Variants in NALF1 observed in about 807,000 individuals in gnomAD.
NALF1 encodes the protein family with sequence similarity 155 member A.
A neutral mutation model predicts 48.4 loss-of-function variants in NALF1; 3 were observed. The ratio of observed to expected loss-of-function variants is 0.06; its 90% CI spans 0.03 to 0.16. The LOEUF is 0.16. Ranked by LOEUF, NALF1 falls within the 10% of genes least tolerant of loss-of-function variation. The pLI is 1.00. For synonymous variants in NALF1, 262 were observed against 245.7 expected, an observed-to-expected ratio of 1.07 and a Z score of -0.62; for missense variants, 526 against 571.5, an observed-to-expected ratio of 0.92 and a Z score of 0.81.
chr13:107,763,807 C>T (rs1191029198), intron 1 of NALF1, among the ~76,000 whole-genome samples: 1 of 152,106 alleles, frequency 6.6e-6, no homozygotes, highest in Non-Finnish European at 1.5e-5. Context: ...ACAGGACTAC[C>T]AGGTATACAA....
intron 1 of NALF1, among the ~76,000 whole-genome samples, chr13:107,590,662 T>C (rs1200422506): frequency 6.6e-6 from 1 of 152,054 alleles, no homozygotes; most frequent in Non-Finnish European, 1.5e-5. Context: ...CCTTTCTTTG[T>C]CCATTTATAC....
chr13:107,329,631 C>T (rs1176578369), intron 1 of NALF1, among the ~76,000 whole-genome samples: 1 of 151,268 alleles, frequency 6.6e-6, no homozygotes, highest in Non-Finnish European at 1.5e-5. Context: ...AGGTATATCT[C>T]CTAATGCTAT....
intron 1 of NALF1, among the ~76,000 whole-genome samples, chr13:107,707,795 A>T (rs1196081272): frequency 6.6e-6 from 1 of 152,148 alleles, no homozygotes; most frequent in Non-Finnish European, 1.5e-5. Context: ...AATGCATTTC[A>T]CTTTTCTGCT....
At chr13:107,714,516 C>T (rs372734853) in intron 1 of NALF1, among the ~76,000 whole-genome samples, 7 of 150,680 alleles carry the variant, frequency 4.6e-5, no homozygotes, top group African/African-American at 1.5e-4. Context: ...AAAATATAAA[C>T]GCTAGCCAGG....
At chr13:107,543,879 C>A (rs1163127196) in intron 1 of NALF1, among the ~76,000 whole-genome samples, 1 of 151,826 alleles carries the variant, frequency 6.6e-6, no homozygotes, top group Non-Finnish European at 1.5e-5. Context: ...TTCAGAGGTG[C>A]AGAGAAAACT....
At chr13:107,525,445 A>G (rs1381378154) in intron 1 of NALF1, among the ~76,000 whole-genome samples, 2 of 152,106 alleles carry the variant, frequency 1.3e-5, no homozygotes, top group African/African-American at 4.8e-5. Context: ...GCATGTATCA[A>G]TATTTCATTT....
At chr13:107,483,571 T>C (rs948018632) in intron 1 of NALF1, among the ~76,000 whole-genome samples, 1 of 152,072 alleles carries the variant, frequency 6.6e-6, no homozygotes, top group African/African-American at 2.4e-5. Context: ...GAGGAAGAGA[T>C]CACTAGACAA....
At chr13:107,823,769 C>T (rs1444450227) in intron 1 of NALF1, among the ~76,000 whole-genome samples, 4 of 152,106 alleles carry the variant, frequency 2.6e-5, no homozygotes, top group African/African-American at 9.7e-5. Flanking sequence ...GCCTGACAGC[C>T]TGAGTTTGAG....
intron 1 of NALF1, among the ~76,000 whole-genome samples, chr13:107,823,244 G>T (rs1158827271): frequency 6.6e-6 from 1 of 152,174 alleles, no homozygotes; most frequent in African/African-American, 2.4e-5. Context: ...CTTCAACAGA[G>T]AACTCTAATT....
intron 1 of NALF1, among the ~76,000 whole-genome samples, chr13:107,535,210 A>C (rs1258264269): frequency 1.3e-5 from 2 of 152,044 alleles, no homozygotes; most frequent in Non-Finnish European, 2.9e-5. Flanking sequence ...AGAACTTCCA[A>C]CACTATGTTG....
intron 1 of NALF1, among the ~76,000 whole-genome samples, chr13:107,484,574 C>A (rs1388252218): frequency 6.6e-6 from 1 of 152,082 alleles, no homozygotes; most frequent in African/African-American, 2.4e-5. Context: ...TCTTTGGATT[C>A]CCAGTGCCAT....
chr13:107,719,618 C>T lies in NALF1; in HGVS notation c.915+146064G>A, dbSNP rs113416180. On this transcript the variant is annotated intron_variant, in intron 1 of 2. Coordinates refer to ENST00000375915, the MANE Select transcript of NALF1 (RefSeq NM_001080396.3). ...AAAGCAAACAACTACAATGAAACCA[C>T]GGCTCTTCTCTCACTTCCAACTATT... Among the ~76,000 whole-genome samples, 1,450 of 152,192 alleles carry T rather than the reference C, an allele frequency of 9.5e-3. 24 individuals are homozygous for T. Among genetic ancestry groups the T allele is most frequent in the African/African-American group, 0.033 (1,372 of 41,538 alleles).
chr13:107,282,849 T>C (rs1881415836), intron 1 of NALF1, among the ~76,000 whole-genome samples: 2 of 152,194 alleles, frequency 1.3e-5, no homozygotes, highest in Non-Finnish European at 2.9e-5. Flanking sequence ...CAAATCCTCT[T>C]ATGAAAGTTG....
intron 1 of NALF1, among the ~76,000 whole-genome samples, chr13:107,796,310 T>A (rs1393304155): frequency 6.6e-6 from 1 of 152,228 alleles, no homozygotes; most frequent in Admixed American, 6.5e-5. Context: ...AACATTTATC[T>A]TTTATTTTTC....
At chr13:107,238,200 C>T (rs1462369698) in intron 1 of NALF1, among the ~76,000 whole-genome samples, 2 of 152,180 alleles carry the variant, frequency 1.3e-5, no homozygotes, top group African/African-American at 2.4e-5. Flanking sequence ...ATAGAGCCAG[C>T]ATGGTGCAGC....
At chr13:107,495,536 C>T (rs915732311) in intron 1 of NALF1, among the ~76,000 whole-genome samples, 2 of 152,136 alleles carry the variant, frequency 1.3e-5, no homozygotes, top group Non-Finnish European at 2.9e-5. Flanking sequence ...CAAACCCCTC[C>T]CTGGAAAAAC....
chr13:107,786,288 T>C (rs971569156), intron 1 of NALF1, among the ~76,000 whole-genome samples: 1 of 151,514 alleles, frequency 6.6e-6, no homozygotes, highest in Non-Finnish European at 1.5e-5. Context: ...TGGTGGTGCA[T>C]GCCTGTAATC....
Position 107,702,267 on chromosome 13 carries a change from A to G in NALF1, c.915+163415T>C, listed in dbSNP as rs115824051. On this transcript the variant is annotated intron_variant, in intron 1 of 2. Transcript: ENST00000375915. ...GGTTTCACTCTGTAAAAAAAAAGTT[A>G]TAAGTAGCAATTACTGTAATTAATA... is the stretch of plus-strand genomic sequence containing the variant. Among the ~76,000 whole-genome samples, 1,318 of 152,166 alleles carry G rather than the reference A, an allele frequency of 8.7e-3. 21 individuals are homozygous for G. Among genetic ancestry groups the G allele is most frequent in the African/African-American group, 0.029 (1,208 of 41,510 alleles).
chr13:107,366,606 C>T (rs951455238), intron 1 of NALF1, among the ~76,000 whole-genome samples: 5 of 152,202 alleles, frequency 3.3e-5, no homozygotes, highest in African/African-American at 1.2e-4. Context: ...TTGGACCACA[C>T]TTTCAACTCT....
Sources: allele counts gnomAD v4.1 joint callset (sites outside exome capture counted in the v4.1 genomes callset), GRCh38; gene constraint gnomAD v4.1.1; transcripts MANE v1.5; gene names NCBI Gene and HGNC (gene_info 2026-07-23, HGNC 2026-07-21).